The following CPNE9 variants were observed in gnomAD, a reference collection of about 807,000 sequenced individuals.
CPNE9 encodes the protein copine-9.
Under a neutral mutation model 83.0 loss-of-function variants are expected in CPNE9, and 59 were observed. The ratio of observed to expected loss-of-function variants is 0.71; its 90% CI spans 0.58 to 0.88. CPNE9 has a LOEUF of 0.88. Ranked by LOEUF, CPNE9 falls within the 40% of genes least tolerant of loss-of-function variation. CPNE9 has a pLI of 0.00. For synonymous variants in CPNE9, 256 were observed against 273.4 expected (o/e 0.94, Z 0.63); for missense variants, 619 against 720.8 (o/e 0.86, Z 1.62).
At position 9,704,992 on chromosome 3, in the gene CPNE9, T is replaced by C. The variant is rs192052366; in HGVS notation, c.258T>C (p.Asp86=). 8.1e-6 allele frequency: 13 copies of C among 1,606,368 alleles called. No homozygotes were observed. The African/African-American group carries it at 1.5e-4, about 18-fold the overall frequency. ...AGGAAAAGCAAAATCTGCGCTTCGA[T>C]GTGTGAGGCCCCGCCTGGAATTCTG... The part of the protein sequence containing the change: ...FFEEKQNLRF[D]VYNVDSKTNI... Residue 86 remains aspartate, a splice_region_variant and synonymous_variant, in exon 4 of 21, where the codon GAT becomes GAC. Coordinates refer to ENST00000383832, the MANE Select transcript of CPNE9 (RefSeq NM_153635.3). The surrounding 1 kb of genome is among the most constrained non-coding windows in gnomAD (Gnocchi z 7.1).
intron 17 of CPNE9, among the ~76,000 whole-genome samples, chr3:9,720,097 ATAAACT>A (rs964437533): frequency 6.6e-6 from 1 of 151,854 alleles, no homozygotes; most frequent in Non-Finnish European, 1.5e-5. Flanking sequence ...GGGTATTAAA[ATAAACT>A]TAAAACGAAT....
intron 17 of CPNE9, among the ~76,000 whole-genome samples, chr3:9,721,912 T>G (rs2076737297): frequency 1.3e-5 from 2 of 151,962 alleles, no homozygotes; most frequent in Non-Finnish European, 2.9e-5. Flanking sequence ...AGGAACTGTT[T>G]TTTGTTTTTA....
rs368324635 is a variant in CPNE9 at position 9,713,625 on chromosome 3, AAGAT to A, written c.650+549_650+552del. Among the ~76,000 whole-genome samples the A allele has an allele frequency of 2.2e-3, 329 of 152,234 alleles. 1 individual carries two copies. Among genetic ancestry groups the A allele is most frequent in the African/African-American group, 7.5e-3 (310 of 41,526 alleles). ...AATAGAAAAGCAGGTGGAATACAAA[AAGAT>A]AGGTAGAGTGACAAGTGGATTGATG... On this transcript the variant is annotated intron_variant, in intron 10 of 20. Transcript: ENST00000383832.
intron 20 of CPNE9, among the ~76,000 whole-genome samples, chr3:9,728,346 G>A (rs909442935): frequency 1.8e-4 from 27 of 152,226 alleles, no homozygotes; most frequent in African/African-American, 5.3e-4. Context: ...AATAAAGGCC[G>A]GGCGCGGTGG....
chr3:9,717,881 C>A (rs1399884219), intron 15 of CPNE9, 148 bp from the exon 16 acceptor site: 2 of 643,000 alleles, frequency 3.1e-6, no homozygotes, highest in African/African-American at 1.8e-5. Flanking sequence ...GATAAATGAA[C>A]AAATGGATGA....
chr3:9,710,159 G>C (rs971927629), intron 7 of CPNE9, among the ~76,000 whole-genome samples: 1 of 151,910 alleles, frequency 6.6e-6, no homozygotes, highest in Non-Finnish European at 1.5e-5. Flanking sequence ...CAAAAAAAAA[G>C]GGAAAATTAT....
intron 17 of CPNE9, among the ~76,000 whole-genome samples, chr3:9,719,222 T>G (rs2076712706): frequency 6.6e-6 from 1 of 152,134 alleles, no homozygotes; most frequent in Non-Finnish European, 1.5e-5. Flanking sequence ...CTACACCATT[T>G]TATATGACGG....
chr3:9,705,322 C>T, intron 4 of CPNE9, 142 bp from the exon 5 acceptor site: 1 of 699,232 alleles, frequency 1.4e-6, no homozygotes, highest in Non-Finnish European at 2.5e-6. Context: ...CTGACTCCTC[C>T]CCAAAAGGAG....
At chr3:9,709,572 C>T (rs887015073) in intron 7 of CPNE9, among the ~76,000 whole-genome samples, 8 of 151,546 alleles carry the variant, frequency 5.3e-5, no homozygotes, top group Non-Finnish European at 1.0e-4. Context: ...GTTTCGCCAC[C>T]GTGGCCAGGC....
At chr3:9,729,452 C>G in intron 20 of CPNE9, 55 bp from the exon 21 acceptor site, 1 of 1,545,976 alleles carries the variant, frequency 6.5e-7, no homozygotes, top group Non-Finnish European at 8.8e-7. Context: ...CTGCTGCACC[C>G]CCATGCCCTC....
At chr3:9,719,731 C>T (rs1035431546) in intron 17 of CPNE9, among the ~76,000 whole-genome samples, 6 of 152,048 alleles carry the variant, frequency 3.9e-5, no homozygotes, top group African/African-American at 1.2e-4. Flanking sequence ...TGGTGGCTCA[C>T]ACCTGTAATC....
chr3:9,729,476 G>A, intron 20 of CPNE9, 31 bp from the exon 21 acceptor site: 1 of 1,587,730 alleles, frequency 6.3e-7, no homozygotes, highest in South Asian at 1.1e-5. Context: ...CCTGGTCATG[G>A]CTTATCTCTT....
At position 9,704,150 on chromosome 3, in the gene CPNE9, G is replaced by C. The variant is rs1210907191; in HGVS notation, c.68+86G>C. ...CGGGGCTCAGCCTGGGCAGGGGCTA[G>C]ACCCCCGGGGAGAGGCGAAATTGGC... On this transcript the variant is annotated intron_variant, in intron 1 of 20. Transcript: ENST00000383832. The surrounding 1 kb of genome is among the most constrained non-coding windows in gnomAD (Gnocchi z 7.1). The C allele has an allele frequency of 3.9e-5, 51 of 1,299,664 alleles. No individual in the cohort carries two copies. Among genetic ancestry groups the C allele is most frequent in the Non-Finnish European group, 5.2e-5 (49 of 938,198 alleles). 80.5% of individuals were successfully genotyped at this position (1,299,664 alleles called of 1,614,324 possible). A position where few individuals can be genotyped will look rare whatever the true frequency, so the allele number is the denominator to read the frequency against.
At chr3:9,716,938 G>A (rs2076688812) in intron 14 of CPNE9, 120 bp from the exon 15 acceptor site, 1 of 1,043,722 alleles carries the variant, frequency 9.6e-7, no homozygotes, top group African/African-American at 1.6e-5. Context: ...CAGACCATCT[G>A]GATCAGAATC....
rs1339411154 is a variant in CPNE9 at position 9,718,140 on chromosome 3, A to C, written c.1043A>C (p.Lys348Thr). The C allele has an allele frequency of 1.2e-6, 2 of 1,613,986 alleles. No individual in the cohort carries two copies. The highest frequency in any genetic ancestry group is 1.7e-6 in the Non-Finnish European group (2 of 1,180,004). The change falls in exon 16 of 21, where the codon AAG (lysine) becomes ACG (threonine). Residue 348 changes from lysine (K) to threonine (T), a missense_variant. By Grantham distance (78) the Lys-to-Thr change is moderately conservative. Around this residue, in one of 3 missense-constraint regions of CPNE9, gnomAD observed 438 missense variants for 562.9 expected, o/e 0.78. Transcript: ENST00000383832. ...ATCATCCAGGACTATGACAGTGATA[A>C]GCTCTTCCCAGCTTATGGCTTTGGG... Reference protein sequence around the residue: ...GEIIQDYDSDKLFPAYGFGAK... With the variant: ...GEIIQDYDSDTLFPAYGFGAK...
chr3:9,711,910 T>C (rs574112295), intron 7 of CPNE9, among the ~76,000 whole-genome samples: 1 of 152,352 alleles, frequency 6.6e-6, no homozygotes, highest in Admixed American at 6.5e-5. Context: ...CTTTTGTCCC[T>C]GGGTCTGGAC....
At chr3:9,707,639 G>T (rs1379736638) in intron 7 of CPNE9, among the ~76,000 whole-genome samples, 2 of 151,424 alleles carry the variant, frequency 1.3e-5, no homozygotes, top group African/African-American at 4.8e-5. Context: ...ACAAAGGAAA[G>T]CCAGGCATGG....
chr3:9,719,857 T>C (rs929977442), intron 17 of CPNE9, among the ~76,000 whole-genome samples: 2 of 151,882 alleles, frequency 1.3e-5, no homozygotes, highest in East Asian at 3.9e-4. Context: ...CCAGGCGTGG[T>C]GGTGGGCACC....
In CPNE9 at chr3:9,712,729, T is replaced by C; in HGVS notation, c.446T>C (p.Ile149Thr). The C allele has an allele frequency of 6.2e-7, 1 of 1,614,028 alleles. No individual in the cohort carries two copies. Among genetic ancestry groups the C allele is most frequent in the East Asian group, 2.2e-5 (1 of 44,882 alleles). The change falls in exon 9 of 21, where the codon ATT becomes ACT. Residue 149 changes from isoleucine (I) to threonine (T), a missense_variant. Transcript: ENST00000383832. Reference sequence around the variant, plus strand: ...CCCAACTTCATCCATCCCTAGGACATTGCCACCATGCAGCTGTGTGCAAAC... The same window carrying C: ...CCCAACTTCATCCATCCCTAGGACACTGCCACCATGCAGCTGTGTGCAAAC... ...TAEELSNCRD[I>T]ATMQLCANKL...
Sources: allele counts gnomAD v4.1 joint callset (sites outside exome capture counted in the v4.1 genomes callset), GRCh38; gene constraint gnomAD v4.1.1; regional missense constraint gnomAD v4.1.1; non-coding constraint Gnocchi (gnomAD v3.1); transcripts MANE v1.5; gene names NCBI Gene and HGNC (gene_info 2026-07-23, HGNC 2026-07-21).